EPHA6: variants seen among roughly 807,000 people sequenced by gnomAD.
EPHA6 encodes EPH receptor A6.
Under a neutral mutation model 112.0 loss-of-function variants are expected in EPHA6, and 50 were observed. The ratio of observed to expected loss-of-function variants is 0.45; its 90% CI spans 0.36 to 0.56. The LOEUF is 0.56. Among genes scored for constraint, EPHA6 ranks in the 20% least tolerant of loss-of-function variants. The pLI is 0.00. For synonymous variants in EPHA6, 529 were observed against 490.7 expected (o/e 1.08, Z -1.03); for missense variants, 1,280 against 1,417.4 (o/e 0.90, Z 1.56).
chr3:96,866,682 T>G, intron 1 of EPHA6, 143 bp from the exon 2 acceptor site: 1 of 401,872 alleles, frequency 2.5e-6, no homozygotes, highest in East Asian at 4.3e-5. Flanking sequence ...TGTAAATTTC[T>G]GAAGATAACT....
chr3:97,242,579 G>A (rs1576754667), intron 4 of EPHA6, among the ~76,000 whole-genome samples: 1 of 151,696 alleles, frequency 6.6e-6, no homozygotes, highest in Non-Finnish European at 1.5e-5. Flanking sequence ...CAAGAGAGAA[G>A]GAATAATGTC....
intron 2 of EPHA6, among the ~76,000 whole-genome samples, chr3:96,878,978 G>A (rs898667832): frequency 2.6e-5 from 4 of 151,952 alleles, no homozygotes; most frequent in African/African-American, 9.7e-5. Context: ...TTATTATTTT[G>A]AGTATTAGAA....
At chr3:96,995,840 A>C (rs538180045) in intron 3 of EPHA6, among the ~76,000 whole-genome samples, 1 of 152,080 alleles carries the variant, frequency 6.6e-6, no homozygotes, top group Non-Finnish European at 1.5e-5. Flanking sequence ...CTCGATATTG[A>C]TGGTTGCTGA....
At chr3:97,328,830 T>C (rs971020574) in intron 5 of EPHA6, among the ~76,000 whole-genome samples, 1 of 152,116 alleles carries the variant, frequency 6.6e-6, no homozygotes, top group Non-Finnish European at 1.5e-5. Context: ...ATTATTATTA[T>C]TGTACTTTAA....
At chr3:97,693,339 A>T (rs142012166) in intron 14 of EPHA6, among the ~76,000 whole-genome samples, 1 of 152,250 alleles carries the variant, frequency 6.6e-6, no homozygotes, top group Non-Finnish European at 1.5e-5. Flanking sequence ...ATATTTAAAT[A>T]AAACAGTTTT....
At chr3:96,950,719 T>C (rs568960809) in intron 2 of EPHA6, among the ~76,000 whole-genome samples, 1 of 152,288 alleles carries the variant, frequency 6.6e-6, no homozygotes, top group Admixed American at 6.5e-5. Flanking sequence ...GTAGTGTATA[T>C]GTCCAAGTTC....
rs1312044975 is a variant in EPHA6 at position 97,748,729 on chromosome 3, C to A, written c.*28C>A. The A allele has an allele frequency of 2.5e-6, 3 of 1,222,486 alleles. No individual in the cohort carries two copies. In the East Asian group the frequency reaches 7.0e-5, roughly 28 times the overall value. 75.7% of individuals were successfully genotyped at this position (1,222,486 alleles called of 1,614,324 possible). A position where few individuals can be genotyped will look rare whatever the true frequency, so the allele number is the denominator to read the frequency against. On this transcript the variant is annotated 3_prime_UTR_variant, in exon 18 of 18. Coordinates refer to ENST00000389672, the MANE Select transcript of EPHA6 (RefSeq NM_001080448.3). The stretch of plus-strand genomic sequence containing the variant: ...GTACCACAAGCACCTGTGTTTTGTG[C>A]CTCAGCATTTCTAAAATGAACGATA...
At chr3:97,572,517 A>C (rs554228419) in intron 11 of EPHA6, among the ~76,000 whole-genome samples, 1 of 151,950 alleles carries the variant, frequency 6.6e-6, no homozygotes, top group Non-Finnish European at 1.5e-5. Flanking sequence ...ATATTTTAAC[A>C]TGTTTATTGG....
At position 97,676,684 on chromosome 3, in the gene EPHA6, G is replaced by A. The variant is rs558832392; in HGVS notation, c.2784+38602G>A. 3.3e-5 allele frequency among the ~76,000 whole-genome samples: 5 copies of A among 152,294 alleles called. No individual in the cohort carries two copies. In the East Asian group the frequency reaches 9.7e-4, roughly 29 times the overall value. ...ATTATATCCTTGAGTAGAGAAGAGA[G>A]ACTGGAGCATAGTGCACAGTTGGAA... On this transcript the variant is annotated intron_variant, in intron 14 of 17. Transcript: ENST00000389672.
chr3:96,945,359 C>T (rs1576127723), intron 2 of EPHA6, among the ~76,000 whole-genome samples: 1 of 152,174 alleles, frequency 6.6e-6, no homozygotes, highest in East Asian at 1.9e-4. Context: ...AGTCTGCACT[C>T]ACTCTGTGTT....
chr3:97,575,657 T>C (rs1381682545), intron 11 of EPHA6, among the ~76,000 whole-genome samples: 4 of 152,194 alleles, frequency 2.6e-5, no homozygotes, highest in Non-Finnish European at 1.5e-5. Flanking sequence ...GTGATATAAA[T>C]CATAAGTATT....
At chr3:97,572,008 CTCAG>C (rs1231920779) in intron 11 of EPHA6, among the ~76,000 whole-genome samples, 1 of 152,078 alleles carries the variant, frequency 6.6e-6, no homozygotes, top group Non-Finnish European at 1.5e-5. Context: ...ACTTTTTTCC[CTCAG>C]TCAGCATTCT....
At chr3:97,606,366 G>C (rs2093680179) in intron 12 of EPHA6, 1 of 151,340 alleles carries the variant, frequency 6.6e-6, no homozygotes, top group South Asian at 2.1e-4. Context: ...ATATTACTGA[G>C]CAAGAGAAAG....
intron 2 of EPHA6, among the ~76,000 whole-genome samples, chr3:96,928,903 G>A (rs1317193557): frequency 6.6e-6 from 1 of 151,914 alleles, no homozygotes; most frequent in Non-Finnish European, 1.5e-5. Context: ...TATCTTTGTT[G>A]GTTTAAAGTC....
chr3:97,546,437 G>T (rs185434378), intron 11 of EPHA6, among the ~76,000 whole-genome samples: 1 of 152,316 alleles, frequency 6.6e-6, no homozygotes, highest in Admixed American at 6.5e-5. Context: ...GAGATCAGCT[G>T]TTAGTCTGAT....
intron 3 of EPHA6, among the ~76,000 whole-genome samples, chr3:97,141,587 T>A (rs1025469405): frequency 5.3e-5 from 8 of 152,064 alleles, no homozygotes; most frequent in African/African-American, 1.9e-4. Context: ...TCTGAATGAC[T>A]TTTTGGTAAA....
chr3:97,199,514 G>A (rs1372377963), intron 3 of EPHA6, among the ~76,000 whole-genome samples: 2 of 152,084 alleles, frequency 1.3e-5, no homozygotes, highest in African/African-American at 2.4e-5. Flanking sequence ...ATTTGCCTGT[G>A]GGCATGAGAA....
chr3:97,137,819 A>G (rs1339614105), intron 3 of EPHA6, among the ~76,000 whole-genome samples: 1 of 152,194 alleles, frequency 6.6e-6, no homozygotes, highest in East Asian at 1.9e-4. Flanking sequence ...CGTTGTGCAC[A>G]TGTACCCTAG....
At chr3:96,990,085 A>T (rs1032533353) in intron 3 of EPHA6, among the ~76,000 whole-genome samples, 5 of 151,890 alleles carry the variant, frequency 3.3e-5, no homozygotes, top group Admixed American at 6.6e-5. Context: ...ATTACTTGGT[A>T]AAAAAAATAC....
Sources: allele counts gnomAD v4.1 joint callset (sites outside exome capture counted in the v4.1 genomes callset), GRCh38; gene constraint gnomAD v4.1.1; transcripts MANE v1.5; gene names NCBI Gene and HGNC (gene_info 2026-07-23, HGNC 2026-07-21).